STAG1: variants seen among roughly 807,000 people sequenced by gnomAD.
STAG1 encodes the protein STAG1 cohesin complex component, also known as cohesin subunit SA-1.
Under a neutral mutation model 170.9 loss-of-function variants are expected in STAG1, and 26 were observed. That is an observed-to-expected ratio of 0.15 (90% confidence interval 0.11 to 0.21). STAG1 has a LOEUF of 0.21. Among genes scored for constraint, STAG1 ranks in the 10% least tolerant of loss-of-function variants. STAG1 has a pLI of 1.00. For missense variants in STAG1, 964 were observed against 1,509.5 expected (o/e 0.64, Z 5.99); for synonymous variants, 514 against 497.7 (o/e 1.03, Z -0.44).
intron 4 of STAG1, among the ~76,000 whole-genome samples, chr3:136,580,247 A>T (rs1202514452): frequency 2.6e-5 from 4 of 151,374 alleles, no homozygotes; most frequent in Admixed American, 1.3e-4. Flanking sequence ...GATTACAGGC[A>T]TGAGCCACCG....
chr3:136,486,706 G>A (rs1261117290), intron 9 of STAG1, among the ~76,000 whole-genome samples: 5 of 152,056 alleles, frequency 3.3e-5, no homozygotes, highest in African/African-American at 1.2e-4. Flanking sequence ...CATATACACA[G>A]TGAAATCATT....
At chr3:136,688,836 C>T (rs1317414892) in intron 1 of STAG1, among the ~76,000 whole-genome samples, 1 of 152,176 alleles carries the variant, frequency 6.6e-6, no homozygotes, top group Admixed American at 6.5e-5. Context: ...AGTTTGTGAG[C>T]CCCAAAGGAT....
chr3:136,381,430 A>G (rs1278177920), intron 22 of STAG1, among the ~76,000 whole-genome samples: 1 of 152,212 alleles, frequency 6.6e-6, no homozygotes, highest in Non-Finnish European at 1.5e-5. Context: ...AATAATTAAC[A>G]ATGACAAATG....
At chr3:136,416,475 T>C (rs1401230551) in intron 21 of STAG1, among the ~76,000 whole-genome samples, 2 of 152,214 alleles carry the variant, frequency 1.3e-5, no homozygotes, top group Non-Finnish European at 2.9e-5. Context: ...AATGATGGTA[T>C]AGTAAGTCTA....
intron 1 of STAG1, among the ~76,000 whole-genome samples, chr3:136,682,444 A>T (rs1383132489): frequency 1.6e-4 from 22 of 141,028 alleles, no homozygotes; most frequent in African/African-American, 5.5e-4. Context: ...AAAAAAAAAT[A>T]AAATATATAT....
intron 9 of STAG1, among the ~76,000 whole-genome samples, chr3:136,492,532 A>C (rs1355625764): frequency 6.6e-6 from 1 of 152,210 alleles, no homozygotes; most frequent in Non-Finnish European, 1.5e-5. Flanking sequence ...AGTAAATGAA[A>C]ACAAAAACCA....
rs143249638 is a variant in STAG1, at chr3:136,611,828, G to A, written c.133-7355C>T. ...TTAATCTTGGTTTTAACTGTGACCCGTCACATAAGGTTATGTGTGGAATTT... is the reference window on the plus strand; with the variant it reads ...TTAATCTTGGTTTTAACTGTGACCCATCACATAAGGTTATGTGTGGAATTT... On this transcript the variant is annotated intron_variant, in intron 3 of 33. Coordinates refer to ENST00000383202, the MANE Select transcript of STAG1 (RefSeq NM_005862.3). Among the ~76,000 whole-genome samples, 184 of 150,810 alleles carry A rather than the reference G, an allele frequency of 1.2e-3. 1 individual carries two copies. The highest frequency in any genetic ancestry group is 4.1e-3 in the African/African-American group (168 of 41,060).
intron 9 of STAG1, among the ~76,000 whole-genome samples, chr3:136,493,541 A>T (rs1254508477): frequency 6.6e-6 from 1 of 151,150 alleles, no homozygotes; most frequent in Non-Finnish European, 1.5e-5. Flanking sequence ...TGTAGTCCCA[A>T]CTACTCAGGG....
chr3:136,374,726 A>C (rs1349275240), intron 23 of STAG1, among the ~76,000 whole-genome samples: 2 of 152,072 alleles, frequency 1.3e-5, no homozygotes, highest in African/African-American at 4.8e-5. Context: ...ACAAAGAAAA[A>C]GAATTATAGT....
intron 19 of STAG1, 67 bp from the exon 20 acceptor site, chr3:136,421,230 C>T: frequency 1.0e-6 from 1 of 974,668 alleles, no homozygotes; most frequent in Non-Finnish European, 1.5e-6. Flanking sequence ...CTACTTATTG[C>T]CTAAATAAAA....
At chr3:136,470,456 C>G (rs113563417) in intron 12 of STAG1, among the ~76,000 whole-genome samples, 117 of 152,192 alleles carry the variant, frequency 7.7e-4, no homozygotes, top group African/African-American at 2.6e-3. Context: ...ACACCAGTTA[C>G]AATGGCGATC....
chr3:136,502,625 T>C lies in STAG1; in HGVS notation c.828+3A>G, dbSNP rs779341485. 6.2e-7 allele frequency: 1 copy of C among 1,612,686 alleles called. No individual in the cohort carries two copies. The highest frequency in any genetic ancestry group is 2.2e-5 in the East Asian group (1 of 44,812). On this transcript the variant is annotated splice_donor_region_variant and intron_variant, in intron 8 of 33. Transcript: ENST00000383202. ...TAAAATCATCAGTTCCCATGAAACT[T>C]ACCTCTTTGCGTTTCTGAAGTAGTA...
chr3:136,736,038 A>G (rs111547669), intron 1 of STAG1, among the ~76,000 whole-genome samples: 177 of 152,348 alleles, frequency 1.2e-3, no homozygotes, highest in African/African-American at 2.5e-3. Context: ...CTGGGCCTTC[A>G]AAGGGAGCAC....
intron 28 of STAG1, among the ~76,000 whole-genome samples, chr3:136,356,240 C>T (rs931201243): frequency 6.6e-6 from 1 of 152,172 alleles, no homozygotes; most frequent in Non-Finnish European, 1.5e-5. Flanking sequence ...AGCTTTACAA[C>T]AGTAGCTGAC....
chr3:136,638,130 CTTTTTTTT>C (rs34896224), intron 1 of STAG1, among the ~76,000 whole-genome samples: 2 of 142,386 alleles, frequency 1.4e-5, no homozygotes. Context: ...GCTGCATTTT[CTTTTTTTT>C]TTTTTGAGAC....
chr3:136,607,968 A>C (rs1344587899), intron 3 of STAG1, among the ~76,000 whole-genome samples: 4 of 152,130 alleles, frequency 2.6e-5, no homozygotes, highest in Admixed American at 2.6e-4. Context: ...AGAACTGCAC[A>C]CTGGTTGGCC....
chr3:136,699,845 C>T (rs1425300357), intron 1 of STAG1, among the ~76,000 whole-genome samples: 1 of 152,054 alleles, frequency 6.6e-6, no homozygotes, highest in African/African-American at 2.4e-5. Context: ...AAAACGATCA[C>T]TTCCACATCC....
At chr3:136,578,529 C>T (rs898035696) in intron 4 of STAG1, among the ~76,000 whole-genome samples, 2 of 152,238 alleles carry the variant, frequency 1.3e-5, no homozygotes, top group Non-Finnish European at 2.9e-5. Context: ...GAAGGGGAAC[C>T]AGATCCCTGT....
In STAG1 at chr3:136,436,565, G is replaced by A. The variant is rs188961301; in HGVS notation, c.1547-2906C>T. Among the ~76,000 whole-genome samples the A allele has an allele frequency of 7.2e-5, 11 of 152,288 alleles. No individual in the cohort carries two copies. In the East Asian group the frequency reaches 1.7e-3, roughly 24 times the overall value. The stretch of plus-strand genomic sequence containing the variant: ...CCAAAGTGCTAGATTACAGGTGTGA[G>A]CCCCTGTGCCCAGCCTTAAACTCAG... On this transcript the variant is annotated intron_variant, in intron 15 of 33. Coordinates refer to ENST00000383202, the MANE Select transcript of STAG1 (RefSeq NM_005862.3).
Sources: allele counts gnomAD v4.1 joint callset (sites outside exome capture counted in the v4.1 genomes callset), GRCh38; gene constraint gnomAD v4.1.1; transcripts MANE v1.5; gene names NCBI Gene and HGNC (gene_info 2026-07-23, HGNC 2026-07-21).